Variants in TRIO observed in about 807,000 individuals in gnomAD.
The protein encoded by TRIO is trio Rho guanine nucleotide exchange factor, also known as triple functional domain protein.
TRIO carries 58 observed loss-of-function variants against 351.9 expected under a neutral mutation model. The ratio of observed to expected loss-of-function variants is 0.16; its 90% confidence interval spans 0.13 to 0.21. The LOEUF (loss-of-function observed/expected upper bound fraction) is 0.21. Among genes scored for constraint, TRIO ranks in the 10% least tolerant of loss-of-function variants. TRIO has a pLI of 1.00. For synonymous variants in TRIO, 1,758 were observed against 1,595.7 expected (o/e 1.10, Z -2.42); for missense variants, 3,201 against 4,027.8 (o/e 0.79, Z 5.56).
chr5:14,257,381 C>T (rs912070846), intron 1 of TRIO, among the ~76,000 whole-genome samples: 3 of 152,122 alleles, frequency 2.0e-5, no homozygotes, highest in Non-Finnish European at 2.9e-5. Flanking sequence ...ACAGGTTAAT[C>T]GAAGCTTTTG....
chr5:14,260,112 G>A (rs1485024106), intron 1 of TRIO, among the ~76,000 whole-genome samples: 1 of 152,020 alleles, frequency 6.6e-6, no homozygotes, highest in Non-Finnish European at 1.5e-5. Flanking sequence ...TTCACTAATG[G>A]GCTTTGTGTT....
chr5:14,276,198 AT>A (rs1433834949), intron 2 of TRIO, among the ~76,000 whole-genome samples: 1 of 152,186 alleles, frequency 6.6e-6, no homozygotes, highest in Non-Finnish European at 1.5e-5. Context: ...AGAGTACTGC[AT>A]TTCCCCGGAA....
At position 14,401,009 on chromosome 5, in the gene TRIO, A is replaced by G; in HGVS notation, c.4661A>G (p.Lys1554Arg). The G allele has an allele frequency of 6.2e-7, 1 of 1,614,116 alleles. No individual in the cohort carries two copies. Among genetic ancestry groups the G allele is most frequent in the East Asian group, 2.2e-5 (1 of 44,882 alleles). Residue 1554 changes from lysine (K) to arginine (R), a missense_variant, in exon 31 of 57, where the codon AAA (lysine) becomes AGA (arginine). Around this residue, in one of 19 missense-constraint regions of TRIO, gnomAD observed 136 missense variants for 229.5 expected, o/e 0.59. Transcript: ENST00000344204. ...GAACATGTTGAAGGAGACCCTTGCAAATTTGCACTGTGGGTGGGGAGAACA... is the reference window on the plus strand; with the variant it reads ...GAACATGTTGAAGGAGACCCTTGCAGATTTGCACTGTGGGTGGGGAGAACA... ...VTEHVEGDPC[K>R]FALWVGRTPT...
At chr5:14,470,960 C>A (rs1754637111) in intron 37 of TRIO, among the ~76,000 whole-genome samples, 1 of 152,120 alleles carries the variant, frequency 6.6e-6, no homozygotes, top group South Asian at 2.1e-4. Flanking sequence ...GGAATATAAC[C>A]AGTAAGAAAA....
intron 1 of TRIO, among the ~76,000 whole-genome samples, chr5:14,269,068 G>A (rs1795847673): frequency 6.6e-6 from 1 of 152,182 alleles, no homozygotes. Context: ...GCATTGGAAA[G>A]GAAAATGGCC....
At chr5:14,450,451 T>G (rs994246790) in intron 34 of TRIO, among the ~76,000 whole-genome samples, 6 of 152,098 alleles carry the variant, frequency 3.9e-5, no homozygotes, top group African/African-American at 1.2e-4. Flanking sequence ...GTGTTGGCCC[T>G]TCTCAGGCGG....
intron 1 of TRIO, among the ~76,000 whole-genome samples, chr5:14,177,020 A>G (rs34384126): frequency 6.6e-6 from 1 of 152,216 alleles, no homozygotes; most frequent in Non-Finnish European, 1.5e-5. Context: ...GTAAGCACAA[A>G]CAACCTGTTT....
At chr5:14,451,259 A>G (rs1242744270) in intron 34 of TRIO, among the ~76,000 whole-genome samples, 1 of 152,148 alleles carries the variant, frequency 6.6e-6, no homozygotes, top group Admixed American at 6.5e-5. Flanking sequence ...CAGAGGATTA[A>G]CTTACAGATT....
At chr5:14,342,204 G>T (rs1311504571) in intron 11 of TRIO, among the ~76,000 whole-genome samples, 1 of 152,172 alleles carries the variant, frequency 6.6e-6, no homozygotes, top group Non-Finnish European at 1.5e-5. Context: ...GGTACGTGAG[G>T]CTCTCGGAGC....
At chr5:14,393,165 G>C (rs1479647905) in intron 27 of TRIO, among the ~76,000 whole-genome samples, 1 of 149,460 alleles carries the variant, frequency 6.7e-6, no homozygotes, top group Non-Finnish European at 1.5e-5. Flanking sequence ...AACACCACAT[G>C]TTCTTACTCA....
At chr5:14,358,871 C>G (rs1561387696) in intron 12 of TRIO, among the ~76,000 whole-genome samples, 1 of 152,126 alleles carries the variant, frequency 6.6e-6, no homozygotes, top group Non-Finnish European at 1.5e-5. Context: ...CCATTTAACC[C>G]CCTACTGTAT....
intron 1 of TRIO, among the ~76,000 whole-genome samples, chr5:14,152,275 G>T (rs1787883559): frequency 6.6e-6 from 1 of 152,184 alleles, no homozygotes; most frequent in South Asian, 2.1e-4. Context: ...ATGAAAGCTG[G>T]CATGCAAGGG....
chr5:14,449,597 G>C (rs533458160), intron 34 of TRIO, among the ~76,000 whole-genome samples: 1 of 152,204 alleles, frequency 6.6e-6, no homozygotes. Context: ...CTGTCCACCA[G>C]CTGCAGACCA....
chr5:14,153,542 ACT>A (rs1787948295), intron 1 of TRIO, among the ~76,000 whole-genome samples: 1 of 152,170 alleles, frequency 6.6e-6, no homozygotes, highest in Non-Finnish European at 1.5e-5. Context: ...AAGGGCCTGT[ACT>A]TTGCCAGGCA....
At chr5:14,449,654 C>T (rs1484640829) in intron 34 of TRIO, among the ~76,000 whole-genome samples, 2 of 152,234 alleles carry the variant, frequency 1.3e-5, no homozygotes, top group Non-Finnish European at 2.9e-5. Flanking sequence ...AGGTCCTGTT[C>T]CGTTCAGGAC....
chr5:14,143,872 C>T lies in TRIO; in HGVS notation c.147C>T (p.Phe49=), dbSNP rs993793665. ...AGGACCTGGCCGACATCGCGGCCTT[C>T]TTCCGATCCGGTGAGTGCAACTGCG... ...AAKDLADIAA[F]FRSGFRKNDE... Residue 49 remains phenylalanine, a synonymous_variant, in exon 1 of 57, where the codon TTC becomes TTT. Coordinates refer to ENST00000344204, the MANE Select transcript of TRIO (RefSeq NM_007118.4). 62 of 1,076,946 alleles carry T rather than the reference C, an allele frequency of 5.8e-5. No homozygotes were observed. The highest frequency in any genetic ancestry group is 7.0e-5 in the Non-Finnish European group (62 of 889,998). 66.7% of individuals were successfully genotyped at this position (1,076,946 alleles called of 1,614,324 possible).
intron 11 of TRIO, among the ~76,000 whole-genome samples, chr5:14,351,606 G>A (rs1470125826): frequency 6.6e-6 from 1 of 152,176 alleles, no homozygotes; most frequent in Non-Finnish European, 1.5e-5. Context: ...TTCTCACTCC[G>A]GCTTCCCAGT....
chr5:14,328,084 C>G (rs1740552645), intron 9 of TRIO, among the ~76,000 whole-genome samples: 1 of 152,204 alleles, frequency 6.6e-6, no homozygotes, highest in Non-Finnish European at 1.5e-5. Context: ...ATAATGTGCT[C>G]AATACACTAA....
intron 8 of TRIO, among the ~76,000 whole-genome samples, chr5:14,309,730 T>A (rs1215692781): frequency 6.6e-6 from 1 of 152,220 alleles, no homozygotes; most frequent in African/African-American, 2.4e-5. Flanking sequence ...GAGCCCCTGC[T>A]AAGTGCTAGA....
Sources: gnomAD v4.1 joint callset for allele counts (sites outside exome capture counted in the v4.1 genomes callset) on GRCh38, gnomAD v4.1.1 for gene constraint, gnomAD v4.1.1 regional missense constraint, MANE v1.5 for transcripts, NCBI Gene and HGNC (gene_info 2026-07-23, HGNC 2026-07-21) for gene names.